Variants in CADM2 observed in about 807,000 individuals in gnomAD.
The protein encoded by CADM2 is immunoglobulin superfamily member 4D.
In CADM2, 12 loss-of-function variants were observed where a neutral mutation model predicts 49.8. The ratio of observed to expected loss-of-function variants is 0.24; its 90% CI spans 0.15 to 0.39. CADM2 has a LOEUF of 0.39. Among genes scored for constraint, CADM2 ranks in the 10% least tolerant of loss-of-function variants. CADM2 has a pLI of 1.00. For synonymous variants in CADM2, 214 were observed against 175.4 expected (o/e 1.22, Z -1.74); for missense variants, 378 against 492.3 (o/e 0.77, Z 2.20).
intron 8 of CADM2, among the ~76,000 whole-genome samples, chr3:85,971,882 T>C (rs1726191673): frequency 6.6e-6 from 1 of 151,748 alleles, no homozygotes; most frequent in Admixed American, 6.6e-5. Flanking sequence ...CAGTTTAAAA[T>C]TGCAGTACTT....
intron 1 of CADM2, among the ~76,000 whole-genome samples, chr3:85,688,563 TC>T (rs1290011717): frequency 2.3e-5 from 2 of 86,996 alleles, no homozygotes; most frequent in East Asian, 2.6e-4. Flanking sequence ...ATTTATTTAT[TC>T]TTTTTTTTTT....
chr3:85,674,781 C>T (rs2065845732), intron 1 of CADM2, among the ~76,000 whole-genome samples: 2 of 152,102 alleles, frequency 1.3e-5, no homozygotes, highest in South Asian at 4.1e-4. Flanking sequence ...TTTCTTACCA[C>T]ATTCATATCC....
At chr3:85,997,648 C>A (rs887586651) in intron 8 of CADM2, among the ~76,000 whole-genome samples, 1 of 152,148 alleles carries the variant, frequency 6.6e-6, no homozygotes, top group African/African-American at 2.4e-5. Flanking sequence ...GATACTTGTG[C>A]AATTGTGTTA....
At chr3:85,469,215 T>A (rs1036948796) in intron 1 of CADM2, among the ~76,000 whole-genome samples, 1 of 152,140 alleles carries the variant, frequency 6.6e-6, no homozygotes, top group Non-Finnish European at 1.5e-5. Flanking sequence ...TTATAGATAT[T>A]TATTTAGCGA....
At chr3:85,358,387 C>CAA (rs376783196) in intron 1 of CADM2, among the ~76,000 whole-genome samples, 10 of 150,258 alleles carry the variant, frequency 6.7e-5, no homozygotes, top group African/African-American at 2.4e-4. Flanking sequence ...CATCATTTTC[C>CAA]AAAAAAAATA....
chr3:85,724,440 T>A (rs2067614875), intron 1 of CADM2, among the ~76,000 whole-genome samples: 1 of 151,528 alleles, frequency 6.6e-6, no homozygotes. Flanking sequence ...AGATATGCCA[T>A]AAAGATGCAT....
chr3:85,005,754 T>C (rs1362172806), intron 1 of CADM2, among the ~76,000 whole-genome samples: 1 of 152,066 alleles, frequency 6.6e-6, no homozygotes, highest in East Asian at 1.9e-4. Context: ...TGATTTGGAT[T>C]AGGCCCCAGA....
chr3:85,600,438 T>C (rs943633050), intron 1 of CADM2, among the ~76,000 whole-genome samples: 1 of 151,940 alleles, frequency 6.6e-6, no homozygotes, highest in African/African-American at 2.4e-5. Context: ...TATGAATTAG[T>C]AAATTAATTA....
chr3:85,589,467 C>T (rs773254349), intron 1 of CADM2, among the ~76,000 whole-genome samples: 2 of 151,964 alleles, frequency 1.3e-5, no homozygotes, highest in Non-Finnish European at 2.9e-5. Flanking sequence ...CCCTCTGGTA[C>T]GTGACTCCCT....
intron 1 of CADM2, among the ~76,000 whole-genome samples, chr3:85,715,265 CA>C (rs1052044299): frequency 5.3e-5 from 8 of 152,182 alleles, no homozygotes; most frequent in African/African-American, 1.9e-4. Context: ...TTTGTTGGCT[CA>C]AAAATTTTTC....
chr3:85,237,373 T>A (rs1046912270), intron 1 of CADM2, among the ~76,000 whole-genome samples: 6 of 151,816 alleles, frequency 4.0e-5, no homozygotes, highest in Admixed American at 1.3e-4. Context: ...AAAAAAAAAA[T>A]ACCTAATTTA....
intron 1 of CADM2, among the ~76,000 whole-genome samples, chr3:85,110,685 G>A (rs548716042): frequency 2.0e-5 from 3 of 151,904 alleles, no homozygotes; most frequent in East Asian, 1.9e-4. Flanking sequence ...GCAAATACAC[G>A]CATATGCCCT....
intron 2 of CADM2, among the ~76,000 whole-genome samples, chr3:85,791,544 AAGAGAGAGAGAGAGAG>A (rs71112119): frequency 1.0e-5 from 1 of 99,944 alleles, no homozygotes; most frequent in African/African-American, 3.5e-5. Flanking sequence ...GAGAGAGAGA[AAGAGAGAGAGAGAGAG>A]AGAGAGAGAG....
At chr3:85,378,132 A>C (rs1231324786) in intron 1 of CADM2, among the ~76,000 whole-genome samples, 5 of 152,054 alleles carry the variant, frequency 3.3e-5, no homozygotes, top group African/African-American at 1.2e-4. Context: ...AAAAATCTTC[A>C]TTCACACCAA....
At chr3:85,883,885 G>T (rs1423197648) in intron 4 of CADM2, among the ~76,000 whole-genome samples, 3 of 151,996 alleles carry the variant, frequency 2.0e-5, no homozygotes, top group African/African-American at 7.3e-5. Context: ...GCTAACTTGT[G>T]GCTCTCAAAT....
chr3:85,350,531 T>C (rs2031239711), intron 1 of CADM2, among the ~76,000 whole-genome samples: 1 of 152,162 alleles, frequency 6.6e-6, no homozygotes, highest in Non-Finnish European at 1.5e-5. Flanking sequence ...CTATTCCAAA[T>C]ACTAATATAT....
chr3:85,103,743 A>C (rs2038102156), intron 1 of CADM2, among the ~76,000 whole-genome samples: 1 of 152,186 alleles, frequency 6.6e-6, no homozygotes, highest in Non-Finnish European at 1.5e-5. Flanking sequence ...TGTAAGCAAA[A>C]GCACATACGA....
intron 1 of CADM2, among the ~76,000 whole-genome samples, chr3:85,660,902 A>G (rs1559576822): frequency 6.8e-6 from 1 of 147,944 alleles, no homozygotes; most frequent in Non-Finnish European, 1.5e-5. Flanking sequence ...ATTATAAACT[A>G]TAATCAAACT....
intron 1 of CADM2, among the ~76,000 whole-genome samples, chr3:85,399,249 C>G (rs548335723): frequency 1.3e-5 from 2 of 152,138 alleles, no homozygotes; most frequent in Admixed American, 6.6e-5. Context: ...ATAGGGAATC[C>G]TTTCCCCATT....
Sources: allele counts gnomAD v4.1 joint callset (sites outside exome capture counted in the v4.1 genomes callset), GRCh38; gene constraint gnomAD v4.1.1; transcripts MANE v1.5; gene names NCBI Gene and HGNC (gene_info 2026-07-23, HGNC 2026-07-21).